Variants in IL1RAPL1 observed in about 807,000 individuals in gnomAD.
The protein encoded by IL1RAPL1 is interleukin-1 receptor accessory protein-like 1.
In IL1RAPL1, 3 loss-of-function variants were observed where a neutral mutation model predicts 48.4. That is an observed-to-expected ratio of 0.06 (90% confidence interval 0.03 to 0.16). The LOEUF (loss-of-function observed/expected upper bound fraction) is 0.16, where lower values mean the gene tolerates loss of function less well. Among genes scored for constraint, IL1RAPL1 ranks in the 10% least tolerant of loss-of-function variants. IL1RAPL1 has a pLI of 1.00. For synonymous variants in IL1RAPL1, 185 were observed against 187.7 expected (o/e 0.99, Z 0.12); for missense variants, 349 against 530.6 (o/e 0.66, Z 3.36).
chrX:28,752,156 A>G (rs904893048), intron 1 of IL1RAPL1, among the ~76,000 whole-genome samples: 6 of 111,901 alleles, frequency 5.4e-5, no homozygotes, highest in Non-Finnish European at 9.4e-5. Flanking sequence ...TCAATTACCT[A>G]ATGTTCTAAT....
intron 2 of IL1RAPL1, among the ~76,000 whole-genome samples, chrX:28,868,607 T>C (rs1385582668): frequency 9.0e-6 from 1 of 111,313 alleles, no homozygotes; most frequent in Non-Finnish European, 1.9e-5. Context: ...CTTCCAGAGG[T>C]TCCTTGTCCC....
chrX:29,888,514 A>G (rs922355723), intron 6 of IL1RAPL1, among the ~76,000 whole-genome samples: 15 of 111,145 alleles, frequency 1.3e-4, no homozygotes, highest in African/African-American at 4.9e-4. Context: ...GTAAGCCACC[A>G]TGTCTGGCCA....
At chrX:29,201,376 T>C (rs1287030648) in intron 2 of IL1RAPL1, among the ~76,000 whole-genome samples, 2 of 111,829 alleles carry the variant, frequency 1.8e-5, no homozygotes, top group African/African-American at 6.5e-5. Context: ...TTTACATTGG[T>C]AACTTTTGTG....
chrX:29,204,244 A>G (rs966999811), intron 2 of IL1RAPL1, among the ~76,000 whole-genome samples: 2 of 111,936 alleles, frequency 1.8e-5, no homozygotes, highest in Non-Finnish European at 3.8e-5. Flanking sequence ...CAGCAGTGGA[A>G]TTGCTGGATC....
intron 2 of IL1RAPL1, among the ~76,000 whole-genome samples, chrX:28,998,064 C>T (rs1349889191): frequency 1.8e-5 from 2 of 112,047 alleles, no homozygotes; most frequent in African/African-American, 6.5e-5. Context: ...TGTTCTCTCT[C>T]CATTGGGTGT....
At chrX:29,333,246 C>T (rs1316079810) in intron 3 of IL1RAPL1, among the ~76,000 whole-genome samples, 4 of 108,601 alleles carry the variant, frequency 3.7e-5, no homozygotes, top group Non-Finnish European at 5.8e-5. Flanking sequence ...CGCCCCTCAC[C>T]TCCCGGATGG....
rs189518965 is a variant in IL1RAPL1, at chrX:29,411,217, A to G, written c.703+11909A>G. 1.3e-4 allele frequency among the ~76,000 whole-genome samples: 15 copies of G among 112,073 alleles called. No homozygotes were observed. The East Asian group carries it at 4.2e-3, about 31-fold the overall frequency. ...TCTATCCATACATACATACATACCT[A>G]TCTGTATTATATCTCTAAAAATGTC... On this transcript the variant is annotated intron_variant, in intron 5 of 10. Coordinates refer to ENST00000378993, the MANE Select transcript of IL1RAPL1 (RefSeq NM_014271.4).
intron 5 of IL1RAPL1, among the ~76,000 whole-genome samples, chrX:29,516,924 G>A (rs961874555): frequency 1.8e-5 from 2 of 111,403 alleles, no homozygotes; most frequent in African/African-American, 6.5e-5. Context: ...CTGTAATCAG[G>A]CCCTCAGCAT....
At chrX:28,725,044 C>T (rs892279038) in intron 1 of IL1RAPL1, among the ~76,000 whole-genome samples, 7 of 107,011 alleles carry the variant, frequency 6.5e-5, no homozygotes, top group Non-Finnish European at 1.2e-4. Flanking sequence ...CTCTGCCTCC[C>T]GGGTTCACGC....
At position 28,912,706 on chromosome X, in the gene IL1RAPL1, T is replaced by C. The variant is rs186472140; in HGVS notation, c.82+123281T>C. ...TTGATGTTGGAAATGGGCAATTTATTCCCATATCAGGTTCTAACATTTAAA... is the reference window on the plus strand; with the variant it reads ...TTGATGTTGGAAATGGGCAATTTATCCCCATATCAGGTTCTAACATTTAAA... On this transcript the variant is annotated intron_variant, in intron 2 of 10. Coordinates refer to ENST00000378993, the MANE Select transcript of IL1RAPL1 (RefSeq NM_014271.4). Among the ~76,000 whole-genome samples the C allele has an allele frequency of 7.0e-3, 779 of 111,332 alleles. 3 individuals carry two copies. The highest frequency in any genetic ancestry group is 0.024 in the African/African-American group (740 of 30,689).
intron 2 of IL1RAPL1, among the ~76,000 whole-genome samples, chrX:29,182,575 G>GTTTT (rs199891181): frequency 1.0e-5 from 1 of 99,479 alleles, no homozygotes. Context: ...CATGTACTTA[G>GTTTT]TTTTTTTTTT....
At chrX:28,742,582 A>G (rs771977081) in intron 1 of IL1RAPL1, among the ~76,000 whole-genome samples, 6 of 111,857 alleles carry the variant, frequency 5.4e-5, no homozygotes, top group African/African-American at 9.7e-5. Flanking sequence ...TGTGGAGTCA[A>G]TCCGAGTCTT....
chrX:28,954,094 A>C (rs1480380134), intron 2 of IL1RAPL1, among the ~76,000 whole-genome samples: 6 of 111,827 alleles, frequency 5.4e-5, no homozygotes, highest in African/African-American at 1.9e-4. Flanking sequence ...TCAGTTATTG[A>C]TAGCAGTCAA....
At chrX:29,889,423 TC>T (rs1378383045) in intron 6 of IL1RAPL1, among the ~76,000 whole-genome samples, 2 of 111,918 alleles carry the variant, frequency 1.8e-5, no homozygotes, top group Non-Finnish European at 3.8e-5. Context: ...ATATTAATTA[TC>T]CTTTACTGTA....
At chrX:29,405,127 T>C (rs1053742982) in intron 5 of IL1RAPL1, among the ~76,000 whole-genome samples, 1 of 110,150 alleles carries the variant, frequency 9.1e-6, no homozygotes, top group African/African-American at 3.3e-5. Flanking sequence ...TTGGCCAGGA[T>C]GGTCTTGATA....
At chrX:29,112,328 A>C (rs148025100) in intron 2 of IL1RAPL1, among the ~76,000 whole-genome samples, 1,703 of 111,718 alleles carry the variant, frequency 0.015, 18 homozygotes, top group Non-Finnish European at 0.021. Flanking sequence ...TAGTGATTTG[A>C]GTCTCATTTA....
chrX:29,343,166 T>A (rs1933105868), intron 3 of IL1RAPL1, among the ~76,000 whole-genome samples: 1 of 112,623 alleles, frequency 8.9e-6, no homozygotes. Flanking sequence ...TTAACTGTTT[T>A]TCTGGCTGTT....
intron 1 of IL1RAPL1, among the ~76,000 whole-genome samples, chrX:28,590,580 A>T: frequency 9.0e-6 from 1 of 111,443 alleles, no homozygotes; most frequent in Non-Finnish European, 1.9e-5. Flanking sequence ...TTGTGTAGGA[A>T]ATTGAATGTG....
intron 5 of IL1RAPL1, among the ~76,000 whole-genome samples, chrX:29,543,100 T>C (rs1196305125): frequency 1.0e-5 from 1 of 99,505 alleles, no homozygotes; most frequent in African/African-American, 3.8e-5. Flanking sequence ...TGTTTGACCA[T>C]AGCAATCTGT....
Sources: gnomAD v4.1 joint callset for allele counts (sites outside exome capture counted in the v4.1 genomes callset) on GRCh38, gnomAD v4.1.1 for gene constraint, MANE v1.5 for transcripts, NCBI Gene and HGNC (gene_info 2026-07-23, HGNC 2026-07-21) for gene names.